Variants in NRXN3 observed in about 807,000 individuals in gnomAD.
NRXN3 encodes the protein neurexin 3, also known as neurexin III.
NRXN3 carries 32 observed loss-of-function variants against 137.6 expected under a neutral mutation model. The observed-to-expected ratio is 0.23, with a 90% CI of 0.18 to 0.31. The LOEUF (loss-of-function observed/expected upper bound fraction) is 0.31, where lower values mean the gene tolerates loss of function less well. NRXN3 is among the 10% of genes least tolerant of loss of function. NRXN3 has a pLI of 1.00. For missense variants in NRXN3, 1,574 were observed against 2,062.5 expected (o/e 0.76, Z 4.59); for synonymous variants, 798 against 784.5 (o/e 1.02, Z -0.29).
chr14:79,365,509 G>A (rs2093845778), intron 15 of NRXN3, among the ~76,000 whole-genome samples: 1 of 150,886 alleles, frequency 6.6e-6, no homozygotes, highest in African/African-American at 2.4e-5. Context: ...CATGAGGTCA[G>A]GAGATCGAGA....
intron 15 of NRXN3, among the ~76,000 whole-genome samples, chr14:79,426,114 C>A: frequency 6.6e-6 from 1 of 152,054 alleles, no homozygotes; most frequent in East Asian, 1.9e-4. Flanking sequence ...GCAGGAGAGG[C>A]ATAATTAACC....
intron 10 of NRXN3, among the ~76,000 whole-genome samples, chr14:78,835,987 G>T (rs2098995625): frequency 6.6e-6 from 1 of 152,196 alleles, no homozygotes; most frequent in East Asian, 1.9e-4. Context: ...CATCCTGATT[G>T]TCCCCCAATG....
At chr14:79,259,162 G>A (rs2077183563) in intron 15 of NRXN3, among the ~76,000 whole-genome samples, 2 of 152,174 alleles carry the variant, frequency 1.3e-5, no homozygotes, top group African/African-American at 4.8e-5. Flanking sequence ...TTGTAAAACA[G>A]TCCCAGCATC....
chr14:78,999,646 C>A (rs895440190), intron 15 of NRXN3, among the ~76,000 whole-genome samples: 1 of 152,138 alleles, frequency 6.6e-6, no homozygotes, highest in African/African-American at 2.4e-5. Flanking sequence ...GGTTCCATTT[C>A]TTTTCAATCT....
chr14:78,793,627 GA>G (rs1327060625), intron 8 of NRXN3, among the ~76,000 whole-genome samples: 1 of 152,204 alleles, frequency 6.6e-6, no homozygotes, highest in African/African-American at 2.4e-5. Flanking sequence ...CAACACACAT[GA>G]AGTGTTGTCA....
intron 16 of NRXN3, among the ~76,000 whole-genome samples, chr14:79,550,399 C>T (rs1017207107): frequency 2.0e-5 from 3 of 152,152 alleles, no homozygotes; most frequent in Non-Finnish European, 2.9e-5. Context: ...GTTCCCTTTC[C>T]TCTGAATTCT....
At chr14:79,709,464 C>T (rs2098794734) in intron 19 of NRXN3, among the ~76,000 whole-genome samples, 1 of 152,126 alleles carries the variant, frequency 6.6e-6, no homozygotes, top group East Asian at 1.9e-4. Context: ...CTGCATACCC[C>T]CAAGGCAGAT....
chr14:79,423,663 G>T (rs1160023), intron 15 of NRXN3, among the ~76,000 whole-genome samples: 145,456 of 152,252 alleles, frequency 0.96, 69,818 homozygotes, highest in East Asian at 1. Flanking sequence ...TGAAAGCGTC[G>T]GTTGCTCTCA....
At chr14:79,124,645 G>A (rs1198071869) in intron 15 of NRXN3, among the ~76,000 whole-genome samples, 1 of 152,140 alleles carries the variant, frequency 6.6e-6, no homozygotes, top group Non-Finnish European at 1.5e-5. Flanking sequence ...CACACAGTGG[G>A]ACTTCCCCAG....
chr14:79,475,976 G>A (rs1313404576), intron 16 of NRXN3, among the ~76,000 whole-genome samples: 1 of 152,114 alleles, frequency 6.6e-6, no homozygotes, highest in African/African-American at 2.4e-5. Context: ...GCCATCACGT[G>A]AATGCTGGGG....
At chr14:79,806,561 T>C (rs1014789572) in intron 20 of NRXN3, among the ~76,000 whole-genome samples, 4 of 152,152 alleles carry the variant, frequency 2.6e-5, no homozygotes, top group African/African-American at 7.2e-5. Context: ...CTGTATGTGC[T>C]ATGTGAGGTT....
chr14:79,754,502 TGATATATA>T (rs1568124916), intron 19 of NRXN3, among the ~76,000 whole-genome samples: 1 of 48,388 alleles, frequency 2.1e-5, no homozygotes, highest in African/African-American at 6.9e-5. Flanking sequence ...CACTCTCTCT[TGATATATA>T]TATATATATA....
At chr14:79,118,762 C>A (rs1471506248) in intron 15 of NRXN3, among the ~76,000 whole-genome samples, 1 of 11,346 alleles carries the variant, frequency 8.8e-5, no homozygotes, top group Non-Finnish European at 5.4e-4. Context: ...ATATTGTAAA[C>A]CTTTTTTAGC....
chr14:79,037,112 G>A (rs1291347996), intron 15 of NRXN3, among the ~76,000 whole-genome samples: 1 of 152,048 alleles, frequency 6.6e-6, no homozygotes, highest in Non-Finnish European at 1.5e-5. Flanking sequence ...GGAAGGGAGT[G>A]CTCTAGCTTC....
At chr14:78,215,772 G>GT (rs1555407647) in intron 1 of NRXN3, among the ~76,000 whole-genome samples, 7 of 11,878 alleles carry the variant, frequency 5.9e-4, no homozygotes, top group African/African-American at 2.5e-3. Context: ...GCAGGGGGGT[G>GT]GGGGGGGCAG....
chr14:78,313,876 C>G (rs11159349), intron 4 of NRXN3, among the ~76,000 whole-genome samples: 36,327 of 152,028 alleles, frequency 0.24, 4,755 homozygotes, highest in Middle Eastern at 0.32. Flanking sequence ...AAAAAGATGT[C>G]TAGCTCTCGT....
At chr14:78,177,399 G>A (rs1380473824) in intron 1 of NRXN3, among the ~76,000 whole-genome samples, 3 of 152,066 alleles carry the variant, frequency 2.0e-5, no homozygotes, top group Admixed American at 1.3e-4. Flanking sequence ...CAGGGGTGGG[G>A]TGGGGCCAGA....
intron 4 of NRXN3, among the ~76,000 whole-genome samples, chr14:78,599,787 A>T (rs966628172): frequency 1.3e-5 from 2 of 152,170 alleles, no homozygotes; most frequent in African/African-American, 4.8e-5. Context: ...GTTCTAAAGT[A>T]TTTGCTGGGA....
intron 4 of NRXN3, among the ~76,000 whole-genome samples, chr14:78,553,486 C>A (rs1412052112): frequency 6.6e-6 from 1 of 152,126 alleles, no homozygotes; most frequent in Admixed American, 6.5e-5. Flanking sequence ...AGCTTTGTTC[C>A]CCCCTGCCAA....
Sources: allele counts gnomAD v4.1 joint callset (sites outside exome capture counted in the v4.1 genomes callset), GRCh38; gene constraint gnomAD v4.1.1; transcripts MANE v1.5; gene names NCBI Gene and HGNC (gene_info 2026-07-23, HGNC 2026-07-21).